Variants in PCDHGA5 observed in about 807,000 individuals in gnomAD.
The protein encoded by PCDHGA5 is protocadherin gamma subfamily A, 5, also known as protocadherin gamma-A5.
In PCDHGA5, 36 loss-of-function variants were observed where a neutral mutation model predicts 56.7. That is an observed-to-expected ratio of 0.64 (90% confidence interval 0.49 to 0.84). PCDHGA5 has a LOEUF of 0.84. Ranked by LOEUF, PCDHGA5 falls within the 40% of genes least tolerant of loss-of-function variation. PCDHGA5 has a pLI of 0.00. For synonymous variants in PCDHGA5, 563 were observed against 520.2 expected (o/e 1.08, Z -1.12); for missense variants, 1,305 against 1,201.5 (o/e 1.09, Z -1.27).
rs60063068 is a variant in PCDHGA5, at chr5:141,477,262, C to T, written c.2422-17545C>T. The T allele has an allele frequency of 1.9e-4, 313 of 1,614,138 alleles. No individual in the cohort carries two copies. In the African/African-American group the frequency reaches 3.7e-3, roughly 19 times the overall value. On this transcript the variant is annotated intron_variant, in intron 1 of 3. Coordinates refer to ENST00000518069, the MANE Select transcript of PCDHGA5 (RefSeq NM_018918.3). This position sits in a 1 kb window ranked among gnomAD's most constrained non-coding sequence, Gnocchi z 4.9. ...TCAGTGTGACTGACCTGGATGCTGG[C>T]GAGAACGGGCTGGTGACCTGCGAAG...
At chr5:141,419,254 C>A in intron 1 of PCDHGA5, 1 of 1,614,020 alleles carries the variant, frequency 6.2e-7, no homozygotes, top group Non-Finnish European at 8.5e-7. Context: ...CAGAAAACAA[C>A]CAGCCGGGTG....
chr5:141,489,800 A>G lies in PCDHGA5; in HGVS notation c.2422-5007A>G. 6.2e-7 allele frequency: 1 copy of G among 1,614,166 alleles called. No homozygotes were observed. Among genetic ancestry groups the G allele is most frequent in the Non-Finnish European group, 8.5e-7 (1 of 1,179,994 alleles). On this transcript the variant is annotated intron_variant, in intron 1 of 3. Coordinates refer to ENST00000518069, the MANE Select transcript of PCDHGA5 (RefSeq NM_018918.3). This position sits in a 1 kb window ranked among gnomAD's most constrained non-coding sequence, Gnocchi z 4.5. ...TCTCTGAATGTGAAGACCCTAAAAG[A>G]TGGGAAGCCATTCCCAGAGCTGGTG...
At chr5:141,492,500 C>G (rs2099741252) in intron 1 of PCDHGA5, among the ~76,000 whole-genome samples, 1 of 152,322 alleles carries the variant, frequency 6.6e-6, no homozygotes, top group South Asian at 2.1e-4. Flanking sequence ...GCGAGGACTC[C>G]GGAGCCTCCT....
chr5:141,400,067 A>G lies in PCDHGA5; in HGVS notation c.2421+33316A>G, dbSNP rs761746196. On this transcript the variant is annotated intron_variant, in intron 1 of 3. Coordinates refer to ENST00000518069, the MANE Select transcript of PCDHGA5 (RefSeq NM_018918.3). ...CTGGTTGCTGTGCGTGATGGTGGAC[A>G]GCCGCCACTCTCCGCCACCGCCACG... is the stretch of plus-strand genomic sequence containing the variant. 1.3e-5 allele frequency: 21 copies of G among 1,613,654 alleles called. No individual in the cohort carries two copies. The highest frequency in any genetic ancestry group is 1.7e-4 in the Middle Eastern group (1 of 5,998).
At chr5:141,383,704 C>A in intron 1 of PCDHGA5, 1 of 1,613,980 alleles carries the variant, frequency 6.2e-7, no homozygotes, top group South Asian at 1.1e-5. Flanking sequence ...TGCTATCGAC[C>A]TGGACGAGGG....
rs1003050993 is a variant in PCDHGA5, at chr5:141,477,637, T to A, written c.2422-17170T>A. ...AAGGAGCTGAAACCGGGCTAGTGGG[T>A]CGCTATTTCACAATAAATCGTGACA... On this transcript the variant is annotated intron_variant, in intron 1 of 3. Transcript: ENST00000518069. This position sits in a 1 kb window ranked among gnomAD's most constrained non-coding sequence, Gnocchi z 4.9. 6.2e-7 allele frequency: 1 copy of A among 1,614,154 alleles called. No individual in the cohort carries two copies. Among genetic ancestry groups the A allele is most frequent in the African/African-American group, 1.3e-5 (1 of 75,040 alleles).
rs2097370658 is a variant in PCDHGA5 at position 141,431,413 on chromosome 5, C to T, written c.2422-63394C>T. The T allele has an allele frequency of 1.2e-6, 2 of 1,613,564 alleles. No homozygotes were observed. Among genetic ancestry groups the T allele is most frequent in the African/African-American group, 2.7e-5 (2 of 74,952 alleles). ...TGGTCCTTACGGCCTCCGACGGGGG[C>T]GACCCGGTGCGCACAGGCACCGCGC... On this transcript the variant is annotated intron_variant, in intron 1 of 3. Transcript: ENST00000518069. This position sits in a 1 kb window ranked among gnomAD's most constrained non-coding sequence, Gnocchi z 4.8.
At position 141,375,343 on chromosome 5, in the gene PCDHGA5, C is replaced by T. The variant is rs114810218; in HGVS notation, c.2421+8592C>T. 5.4e-3 allele frequency: 8,654 copies of T among 1,613,832 alleles called. 30 individuals are homozygous for T. Among genetic ancestry groups the T allele is most frequent in the Non-Finnish European group, 6.4e-3 (7,546 of 1,179,894 alleles). The stretch of plus-strand genomic sequence containing the variant: ...GGGAAGAGGTATTCTTGTACAACAT[C>T]ACTGTGACAGCCACGGACAAAGGAA... On this transcript the variant is annotated intron_variant, in intron 1 of 3. Transcript: ENST00000518069.
chr5:141,403,377 T>A, intron 1 of PCDHGA5: 1 of 1,614,016 alleles, frequency 6.2e-7, no homozygotes. Flanking sequence ...GAAGTAAAAA[T>A]TAACGAAATC....
chr5:141,395,038 G>A lies in PCDHGA5; in HGVS notation c.2421+28287G>A, dbSNP rs762482437. On this transcript the variant is annotated intron_variant, in intron 1 of 3. Transcript: ENST00000518069. Reference sequence around the variant, plus strand: ...GGCGTGCCTGCCTCACATTTTGTGGGTGTTGAGGAGGTACAGGCTTTCCTG... The same window carrying A: ...GGCGTGCCTGCCTCACATTTTGTGGATGTTGAGGAGGTACAGGCTTTCCTG... 5.3e-5 allele frequency: 85 copies of A among 1,614,150 alleles called. 1 individual carries two copies. Among genetic ancestry groups the A allele is most frequent in the Non-Finnish European group, 7.1e-5 (84 of 1,180,034 alleles).
chr5:141,479,453 A>G (rs994349416), intron 1 of PCDHGA5: 1 of 152,266 alleles, frequency 6.6e-6, no homozygotes, highest in Non-Finnish European at 1.5e-5. Context: ...TAAGTTCAGC[A>G]TGAATACAGT....
intron 3 of PCDHGA5, among the ~76,000 whole-genome samples, chr5:141,508,984 C>G (rs1039260828): frequency 4.7e-4 from 72 of 152,154 alleles, no homozygotes; most frequent in African/African-American, 1.7e-3. Context: ...GGGTGGGGGC[C>G]AGCTGGGGTA....
chr5:141,428,186 C>CCGCTCTCTG, intron 1 of PCDHGA5: 2 of 1,460,956 alleles, frequency 1.4e-6, no homozygotes, highest in Non-Finnish European at 1.9e-6. Flanking sequence ...AGGACAGCCG[C>CCGCTCTCTG]CGCTCTCTGC....
intron 1 of PCDHGA5, chr5:141,370,545 G>T (rs768607566): frequency 6.2e-7 from 1 of 1,613,866 alleles, no homozygotes; most frequent in Non-Finnish European, 8.5e-7. Flanking sequence ...AGGGAACCTC[G>T]CCAAGGACCT....
intron 2 of PCDHGA5, among the ~76,000 whole-genome samples, chr5:141,502,947 G>A (rs933409229): frequency 3.0e-4 from 45 of 151,030 alleles, no homozygotes; most frequent in Admixed American, 1.8e-3. Context: ...GGGTTCAAGC[G>A]ATTCTCCTGC....
At chr5:141,420,965 TA>T (rs1468739825) in intron 1 of PCDHGA5, 6 of 433,892 alleles carry the variant, frequency 1.4e-5, no homozygotes, top group African/African-American at 1.0e-4. Flanking sequence ...GTCGTTGCAA[TA>T]ATAAGAATGG....
intron 1 of PCDHGA5, among the ~76,000 whole-genome samples, chr5:141,472,273 G>A (rs2099275685): frequency 6.6e-6 from 1 of 152,170 alleles, no homozygotes; most frequent in South Asian, 2.1e-4. Context: ...CGGGCACAGT[G>A]GCTCACACCT....
chr5:141,501,327 AC>A (rs1208116606), intron 2 of PCDHGA5, among the ~76,000 whole-genome samples: 2 of 151,364 alleles, frequency 1.3e-5, no homozygotes, highest in Non-Finnish European at 2.9e-5. Context: ...ACACACACAC[AC>A]ACACACCCCA....
At chr5:141,426,986 C>A (rs764345099) in intron 1 of PCDHGA5, 6 of 456,618 alleles carry the variant, frequency 1.3e-5, no homozygotes, top group Non-Finnish European at 2.2e-5. Flanking sequence ...CTGATGCCAA[C>A]GATAATGCCC....
Sources: allele counts gnomAD v4.1 joint callset (sites outside exome capture counted in the v4.1 genomes callset), GRCh38; gene constraint gnomAD v4.1.1; non-coding constraint Gnocchi (gnomAD v3.1); transcripts MANE v1.5; gene names NCBI Gene and HGNC (gene_info 2026-07-23, HGNC 2026-07-21).